SP110: variants seen among roughly 807,000 people sequenced by gnomAD.
SP110 encodes the protein SP110 nuclear body protein.
SP110 carries 62 observed loss-of-function variants against 92.7 expected under a neutral mutation model. The ratio of observed to expected loss-of-function variants is 0.67; its 90% CI spans 0.55 to 0.83. The LOEUF (loss-of-function observed/expected upper bound fraction) is 0.83. SP110 is among the 40% of genes least tolerant of loss of function. The pLI is 0.00. For missense variants in SP110, 793 were observed against 863.9 expected, an observed-to-expected ratio of 0.92 and a Z score of 1.03; for synonymous variants, 273 against 305.3, an observed-to-expected ratio of 0.89 and a Z score of 1.10.
At chr2:230,220,740 A>G (rs192997146), upstream of SP110, among the ~76,000 whole-genome samples, 52 of 152,328 alleles carry the variant, frequency 3.4e-4, no homozygotes, top group African/African-American at 1.1e-3. Context: ...ACAGTGGCTC[A>G]TGCCTATAAT....
rs1416643962 is a variant in SP110 at position 230,211,206 on chromosome 2, G to A, written c.751+264C>T. ...AGTCCAAACCTACAGGCACTGGTGG[G>A]GCTCTGTCCATCATCATCCGTGGCC... On this transcript the variant is annotated intron_variant, in intron 6 of 18. Transcript: ENST00000258381. This position sits in a 1 kb window ranked among gnomAD's most constrained non-coding sequence, Gnocchi z 4.2. 6.6e-6 allele frequency among the ~76,000 whole-genome samples: 1 copy of A among 152,086 alleles called. No individual in the cohort carries two copies. Among genetic ancestry groups the A allele is most frequent in the East Asian group, 1.9e-4 (1 of 5,176 alleles).
At chr2:230,213,051 A>G in intron 3 of SP110, 24 bp from the exon 4 acceptor site, 1 of 1,612,562 alleles carries the variant, frequency 6.2e-7, no homozygotes, top group Non-Finnish European at 8.5e-7. Flanking sequence ...AGGGACACAC[A>G]TCAGTACCCT....
In SP110 at chr2:230,186,376, G is replaced by C. The variant is rs75570174; in HGVS notation, c.1130-233C>G. On this transcript the variant is annotated intron_variant, in intron 10 of 18. Coordinates refer to ENST00000258381, the MANE Select transcript of SP110 (RefSeq NM_080424.4). Reference sequence around the variant, plus strand: ...GCAAGCTCCACTAGTGTAGGGATTTGTGTCTGTCTTGCTCACTGCTGAGTT... The same window carrying C: ...GCAAGCTCCACTAGTGTAGGGATTTCTGTCTGTCTTGCTCACTGCTGAGTT... 6.0e-4 allele frequency among the ~76,000 whole-genome samples: 92 copies of C among 152,218 alleles called. No individual in the cohort carries two copies. The East Asian group carries it at 0.016, about 27-fold the overall frequency.
chr2:230,213,050 C>T (rs2044670167), intron 3 of SP110, 23 bp from the exon 4 acceptor site: 1 of 1,612,654 alleles, frequency 6.2e-7, no homozygotes, highest in Non-Finnish European at 8.5e-7. Flanking sequence ...AAGGGACACA[C>T]ATCAGTACCC....
rs45567238 is a variant in SP110 at position 230,171,816 on chromosome 2, T to A, written c.1816-49A>T. The A allele has an allele frequency of 9.8e-4, 1,389 of 1,417,854 alleles. 10 individuals carry two copies. In the African/African-American group the frequency reaches 0.016, roughly 16 times the overall value. 87.8% of individuals were successfully genotyped at this position (1,417,854 alleles called of 1,614,324 possible). On this transcript the variant is annotated intron_variant, in intron 16 of 18. Transcript: ENST00000258381. ...AAAGTGAAATGCAGCTTAGAAACAG[T>A]GAAGCCAGGCGAGTGTCTAGACATG...
intron 8 of SP110, among the ~76,000 whole-genome samples, chr2:230,205,425 C>T (rs1463931048): frequency 6.6e-6 from 1 of 152,188 alleles, no homozygotes; most frequent in East Asian, 1.9e-4. Context: ...CCCACCCCAA[C>T]CTGCAAGTCA....
At chr2:230,202,983 G>A (rs2043329484) in intron 8 of SP110, 2 of 522,724 alleles carry the variant, frequency 3.8e-6, no homozygotes, top group Non-Finnish European at 6.9e-6. Context: ...GATAAAGCTG[G>A]GGAAATCCTA....
upstream of SP110, among the ~76,000 whole-genome samples, chr2:230,223,710 G>A (rs1403835583): frequency 6.6e-6 from 1 of 152,194 alleles, no homozygotes; most frequent in African/African-American, 2.4e-5. Flanking sequence ...TTGGAGTTGT[G>A]GGCAAATAGG....
At chr2:230,186,268 C>A in intron 10 of SP110, 125 bp from the exon 11 acceptor site, 1 of 883,304 alleles carries the variant, frequency 1.1e-6, no homozygotes, top group Non-Finnish European at 1.7e-6. Context: ...ATCTTTCTTC[C>A]CCCCAGACTC....
intron 15 of SP110, 120 bp from the exon 16 acceptor site, chr2:230,172,294 C>T: frequency 1.3e-6 from 1 of 758,746 alleles, no homozygotes; most frequent in East Asian, 2.5e-5. Flanking sequence ...GGGACACCTC[C>T]CAGAGTGTCC....
At chr2:230,212,569 G>A in intron 4 of SP110, 139 bp from the exon 5 acceptor site, 2 of 1,038,104 alleles carry the variant, frequency 1.9e-6, no homozygotes, top group Non-Finnish European at 3.0e-6. Flanking sequence ...TGGGAAGCAG[G>A]TGTTCTGGAC....
At chr2:230,224,783 C>T (rs1258235776), upstream of SP110, among the ~76,000 whole-genome samples, 1 of 152,212 alleles carries the variant, frequency 6.6e-6, no homozygotes, top group African/African-American at 2.4e-5. Context: ...TCAATCCTCA[C>T]TACTGTTCTG....
intron 15 of SP110, chr2:230,172,506 C>T (rs2078473261): frequency 5.6e-6 from 3 of 531,200 alleles, no homozygotes; most frequent in Non-Finnish European, 1.0e-5. Context: ...CTCAGGCCTC[C>T]ATCAGCCAGG....
At chr2:230,172,029 G>A in intron 16 of SP110, 37 bp downstream of exon 16, 3 of 1,273,356 alleles carry the variant, frequency 2.4e-6, no homozygotes, top group Non-Finnish European at 3.5e-6. Flanking sequence ...CGTGTGAGAA[G>A]GGAAAAGTAT....
chr2:230,195,432 C>G (rs1368245425), intron 10 of SP110, among the ~76,000 whole-genome samples: 2 of 152,004 alleles, frequency 1.3e-5, no homozygotes, highest in Non-Finnish European at 2.9e-5. Context: ...CATCCTGGGT[C>G]CAAGTGATTA....
At chr2:230,194,943 G>A (rs4973296) in intron 10 of SP110, among the ~76,000 whole-genome samples, 116,167 of 151,964 alleles carry the variant, frequency 0.76, 44,535 homozygotes, top group Admixed American at 0.83. Context: ...GGGGCTGGCT[G>A]TGCTCCAGGC....
upstream of SP110, among the ~76,000 whole-genome samples, chr2:230,222,169 G>T (rs1327553649): frequency 6.6e-6 from 1 of 151,374 alleles, no homozygotes; most frequent in African/African-American, 2.4e-5. Context: ...GCTGGAGGTT[G>T]CAGTGAGCTG....
At chr2:230,197,227 T>C (rs1216560728) in intron 10 of SP110, among the ~76,000 whole-genome samples, 10 of 150,194 alleles carry the variant, frequency 6.7e-5, no homozygotes, top group Non-Finnish European at 1.5e-4. Context: ...TTTTTAATGA[T>C]TGCCATTCTA....
chr2:230,220,059 A>C (rs1157967694), upstream of SP110: 1 of 985,404 alleles, frequency 1.0e-6, no homozygotes, highest in Non-Finnish European at 1.2e-6. Flanking sequence ...GCCAAGCCGG[A>C]AGCTGAAGGC....
Sources: gnomAD v4.1 joint callset for allele counts (sites outside exome capture counted in the v4.1 genomes callset) on GRCh38, gnomAD v4.1.1 for gene constraint, Gnocchi (gnomAD v3.1) non-coding constraint, MANE v1.5 for transcripts, NCBI Gene and HGNC (gene_info 2026-07-23, HGNC 2026-07-21) for gene names.